Variants in PDE4D observed in about 807,000 individuals in gnomAD.
PDE4D encodes phosphodiesterase 4D, also known as 3',5'-cyclic-AMP phosphodiesterase 4D.
Under a neutral mutation model 87.4 loss-of-function variants are expected in PDE4D, and 24 were observed. The ratio of observed to expected loss-of-function variants is 0.27; its 90% CI spans 0.20 to 0.39. PDE4D has a LOEUF of 0.39. PDE4D is among the 10% of genes least tolerant of loss of function. The pLI is 1.00. For missense variants in PDE4D, 714 were observed against 1,041.0 expected, an observed-to-expected ratio of 0.69 and a Z score of 4.32; for synonymous variants, 384 against 383.2, an observed-to-expected ratio of 1.00 and a Z score of -0.02.
chr5:59,046,436 G>T (rs1237550612), intron 5 of PDE4D, among the ~76,000 whole-genome samples: 1 of 151,468 alleles, frequency 6.6e-6, no homozygotes, highest in Non-Finnish European at 1.5e-5. Context: ...GTGTGTGTGT[G>T]TGTGTGTATG....
At chr5:60,282,238 T>TATATATATATATATATATATATA (rs202140336) in intron 1 of PDE4D, among the ~76,000 whole-genome samples, 9 of 140,744 alleles carry the variant, frequency 6.4e-5, no homozygotes, top group East Asian at 4.2e-4. Context: ...TATATATATA[T>TATATATATATATATATATATATA]TTCTCAAAAT....
chr5:59,187,662 A>G (rs1251734195), intron 3 of PDE4D, among the ~76,000 whole-genome samples: 1 of 152,192 alleles, frequency 6.6e-6, no homozygotes, highest in African/African-American at 2.4e-5. Context: ...ATCAACTTTT[A>G]GGTTTTCTAT....
intron 2 of PDE4D, among the ~76,000 whole-genome samples, chr5:60,033,671 A>G (rs1562002567): frequency 6.6e-6 from 1 of 152,188 alleles, no homozygotes; most frequent in African/African-American, 2.4e-5. Context: ...CACCCTAAGG[A>G]TTTAGAGATT....
chr5:60,230,581 T>G (rs545548337), intron 1 of PDE4D, among the ~76,000 whole-genome samples: 2 of 152,128 alleles, frequency 1.3e-5, no homozygotes, highest in Non-Finnish European at 2.9e-5. Flanking sequence ...TGATTTTAAC[T>G]GAGGTTGACA....
At chr5:59,314,148 C>T (rs1773224056) in intron 1 of PDE4D, 1 of 152,194 alleles carries the variant, frequency 6.6e-6, no homozygotes, top group East Asian at 1.9e-4. Flanking sequence ...GGGCCTACAC[C>T]CCTCCAGGCT....
At chr5:60,111,788 G>T (rs552480070) in intron 2 of PDE4D, among the ~76,000 whole-genome samples, 9 of 151,890 alleles carry the variant, frequency 5.9e-5, no homozygotes, top group Non-Finnish European at 1.3e-4. Flanking sequence ...AAATAAAAAT[G>T]ATGTTATTTA....
chr5:60,103,698 T>C (rs1776500248), intron 2 of PDE4D, among the ~76,000 whole-genome samples: 1 of 152,216 alleles, frequency 6.6e-6, no homozygotes, highest in African/African-American at 2.4e-5. Flanking sequence ...AGCTTTAATC[T>C]TTCAAGAGGA....
intron 1 of PDE4D, among the ~76,000 whole-genome samples, chr5:59,600,004 TG>T (rs1827267011): frequency 6.6e-6 from 1 of 152,232 alleles, no homozygotes; most frequent in African/African-American, 2.4e-5. Context: ...GTATCCCTGC[TG>T]GGTCCTCTGG....
intron 1 of PDE4D, among the ~76,000 whole-genome samples, chr5:60,233,715 C>A (rs1291255065): frequency 6.6e-6 from 1 of 151,736 alleles, no homozygotes; most frequent in African/African-American, 2.4e-5. Flanking sequence ...GTGCCACATA[C>A]TGTTTTAAAT....
intron 1 of PDE4D, among the ~76,000 whole-genome samples, chr5:59,391,421 T>G (rs2591750): frequency 0.34 from 51,036 of 151,784 alleles, 9,014 homozygotes; most frequent in East Asian, 0.4. Context: ...AAAACCCACA[T>G]TTAGATCAAA....
At chr5:59,458,989 ATAATT>A (rs1350577578) in intron 1 of PDE4D, among the ~76,000 whole-genome samples, 1 of 151,968 alleles carries the variant, frequency 6.6e-6, no homozygotes, top group Non-Finnish European at 1.5e-5. Context: ...CTTAGTATAA[ATAATT>A]TAATGTGTAT....
intron 1 of PDE4D, among the ~76,000 whole-genome samples, chr5:59,233,190 T>C (rs1208556809): frequency 6.6e-6 from 1 of 152,162 alleles, no homozygotes; most frequent in Admixed American, 6.6e-5. Context: ...TTCCACTACA[T>C]AGAAATGATA....
intron 5 of PDE4D, among the ~76,000 whole-genome samples, chr5:59,152,208 C>T (rs1263054765): frequency 5.3e-5 from 8 of 152,110 alleles, no homozygotes; most frequent in African/African-American, 1.7e-4. Context: ...TGTGATCATG[C>T]ATGCCCAGTC....
At chr5:60,408,257 C>T (rs1245357156) in intron 1 of PDE4D, among the ~76,000 whole-genome samples, 1 of 152,222 alleles carries the variant, frequency 6.6e-6, no homozygotes, top group African/African-American at 2.4e-5. Flanking sequence ...TGGTTGTTCT[C>T]AGCTGCTAAG....
chr5:59,679,218 A>G, intron 1 of PDE4D, among the ~76,000 whole-genome samples: 1 of 152,220 alleles, frequency 6.6e-6, no homozygotes, highest in East Asian at 1.9e-4. Context: ...ATTTAATTCC[A>G]ATATTGCTAA....
intron 5 of PDE4D, among the ~76,000 whole-genome samples, chr5:59,146,082 C>T (rs915425578): frequency 2.6e-5 from 4 of 152,078 alleles, no homozygotes; most frequent in African/African-American, 9.7e-5. Flanking sequence ...AGCTGAGATC[C>T]TGCCACTGCA....
chr5:60,280,335 T>TAC (rs1554197884), intron 1 of PDE4D, among the ~76,000 whole-genome samples: 1 of 142,540 alleles, frequency 7.0e-6, no homozygotes, highest in South Asian at 2.1e-4. Flanking sequence ...TAAATATATA[T>TAC]ACACACATAT....
intron 3 of PDE4D, among the ~76,000 whole-genome samples, chr5:59,910,479 C>T (rs2152769638): frequency 6.6e-6 from 1 of 152,270 alleles, no homozygotes; most frequent in African/African-American, 2.4e-5. Flanking sequence ...TAACTACATC[C>T]ATGACTACAA....
At position 59,755,072 on chromosome 5, in the gene PDE4D, C is replaced by A. The variant is rs539217886; in HGVS notation, c.455+138096G>T. ...TGTACAAAGATGGTGTTTGGCATAGCTGATGTGGCTTATTGAATTTTAAAA... is the reference window on the plus strand; with the variant it reads ...TGTACAAAGATGGTGTTTGGCATAGATGATGTGGCTTATTGAATTTTAAAA... On this transcript the variant is annotated intron_variant, in intron 1 of 14. Coordinates refer to ENST00000340635, the MANE Select transcript of PDE4D (RefSeq NM_001104631.2). Among the ~76,000 whole-genome samples the A allele has an allele frequency of 2.6e-5, 4 of 152,190 alleles. No individual in the cohort carries two copies. In the South Asian group the frequency reaches 8.3e-4, roughly 32 times the overall value.
Sources: allele counts gnomAD v4.1 joint callset (sites outside exome capture counted in the v4.1 genomes callset), GRCh38; gene constraint gnomAD v4.1.1; transcripts MANE v1.5; gene names NCBI Gene and HGNC (gene_info 2026-07-23, HGNC 2026-07-21).